GPHN: variants seen among roughly 807,000 people sequenced by gnomAD.
The protein encoded by GPHN is gephyrin.
In GPHN, 17 loss-of-function variants were observed where a neutral mutation model predicts 95.5. The ratio of observed to expected loss-of-function variants is 0.18; its 90% CI spans 0.12 to 0.27. The LOEUF (loss-of-function observed/expected upper bound fraction) is 0.27, where lower values mean the gene tolerates loss of function less well. GPHN is among the 10% of genes least tolerant of loss of function. GPHN has a pLI of 1.00. For missense variants in GPHN, 660 were observed against 978.1 expected (o/e 0.67, Z 4.34); for synonymous variants, 320 against 322.5 (o/e 0.99, Z 0.08).
At chr14:67,586,346 TTTTC>T in the GPHN span, 1 of 1,439,708 alleles carries the variant, frequency 6.9e-7, no homozygotes, top group Non-Finnish European at 9.3e-7. Context: ...GCTCTTCACT[TTTTC>T]TTTTTTATTC....
At chr14:67,704,912 G>A in the GPHN span, among the ~76,000 whole-genome samples, 10 of 152,314 alleles carry the variant, frequency 6.6e-5, no homozygotes, top group Admixed American at 3.9e-4. Flanking sequence ...GTAGCACTCA[G>A]CAGGGGCATC....
intron 17 of GPHN, among the ~76,000 whole-genome samples, chr14:67,125,674 G>A (rs2079263147): frequency 6.6e-6 from 1 of 152,126 alleles, no homozygotes; most frequent in Non-Finnish European, 1.5e-5. Flanking sequence ...CTACTTGGGA[G>A]GCTGAGGCAG....
chr14:67,613,313 AT>A, the GPHN span: 1 of 152,312 alleles, frequency 6.6e-6, no homozygotes, highest in Non-Finnish European at 1.5e-5. Flanking sequence ...AGGTGAGAGG[AT>A]TATCTGCGAC....
the GPHN span, chr14:67,616,530 G>A: frequency 6.6e-6 from 1 of 151,526 alleles, no homozygotes; most frequent in Non-Finnish European, 1.5e-5. Context: ...ATGCTTCTAA[G>A]TACATACAAT....
chr14:67,358,199 G>A, the GPHN span, among the ~76,000 whole-genome samples: 1 of 152,148 alleles, frequency 6.6e-6, no homozygotes, highest in African/African-American at 2.4e-5. Context: ...TTTTGACTGA[G>A]TCATCACGTC....
chr14:67,313,422 A>G, the GPHN span, among the ~76,000 whole-genome samples: 1 of 152,184 alleles, frequency 6.6e-6, no homozygotes, highest in Non-Finnish European at 1.5e-5. Flanking sequence ...GGTATAGCCT[A>G]TTCCTCCAAC....
chr14:67,628,858 T>C, the GPHN span, among the ~76,000 whole-genome samples: 1 of 152,318 alleles, frequency 6.6e-6, no homozygotes, highest in Admixed American at 6.5e-5. Flanking sequence ...CTATATGATT[T>C]AGCAATTCCA....
At chr14:67,699,487 G>A in the GPHN span, among the ~76,000 whole-genome samples, 1 of 151,330 alleles carries the variant, frequency 6.6e-6, no homozygotes, top group Non-Finnish European at 1.5e-5. Context: ...CTACTCCGGA[G>A]GTTCAGGTGG....
At chr14:66,986,677 C>T (rs571683901) in intron 9 of GPHN, among the ~76,000 whole-genome samples, 3 of 152,050 alleles carry the variant, frequency 2.0e-5, no homozygotes, top group Non-Finnish European at 4.4e-5. Flanking sequence ...TCTCATTTGC[C>T]CTAACAGCAA....
the GPHN span, among the ~76,000 whole-genome samples, chr14:67,306,130 C>T: frequency 2.0e-5 from 3 of 152,104 alleles, no homozygotes; most frequent in Non-Finnish European, 2.9e-5. Context: ...CCACCACATC[C>T]AGCTAATTTT....
At chr14:67,437,683 A>T in the GPHN span, among the ~76,000 whole-genome samples, 2 of 151,910 alleles carry the variant, frequency 1.3e-5, no homozygotes, top group African/African-American at 4.8e-5. Context: ...GGAGGAAATG[A>T]GATGTATTTG....
rs552821607 is a variant in GPHN, at chr14:67,074,636, T to G, written c.1145-14347T>G. Among the ~76,000 whole-genome samples, 103 of 152,234 alleles carry G rather than the reference T, an allele frequency of 6.8e-4. 1 individual carries two copies. The highest frequency in any genetic ancestry group is 1.5e-3 in the South Asian group (7 of 4,822). On this transcript the variant is annotated intron_variant, in intron 11 of 22. Coordinates refer to ENST00000478722, the MANE Select transcript of GPHN (RefSeq NM_020806.5). ...AAAAGCTGGAAATGATTAAGCTTAG[T>G]GAGGAAGGCATGTCAAAAGCCAAGA...
At chr14:67,497,661 T>C in the GPHN span, among the ~76,000 whole-genome samples, 14,334 of 152,238 alleles carry the variant, frequency 0.094, 714 homozygotes, top group Middle Eastern at 0.13. Context: ...TTTTAACACA[T>C]GCTGAGTTGT....
At chr14:67,073,908 T>C (rs1467490850) in intron 11 of GPHN, among the ~76,000 whole-genome samples, 2 of 152,214 alleles carry the variant, frequency 1.3e-5, no homozygotes, top group Non-Finnish European at 2.9e-5. Context: ...TTAATGAATG[T>C]ACTGGTTTTC....
At chr14:66,661,801 C>T (rs1279924233) in intron 1 of GPHN, among the ~76,000 whole-genome samples, 1 of 152,014 alleles carries the variant, frequency 6.6e-6, no homozygotes, top group Admixed American at 6.5e-5. Context: ...GCCATCGTTG[C>T]TGTTTGGGCA....
At chr14:67,049,988 C>T (rs2153641986) in intron 10 of GPHN, among the ~76,000 whole-genome samples, 1 of 152,280 alleles carries the variant, frequency 6.6e-6, no homozygotes, top group South Asian at 2.1e-4. Context: ...AATTACAATA[C>T]TCCTCCTTTG....
At chr14:67,578,263 G>A in the GPHN span, 1 of 1,431,790 alleles carries the variant, frequency 7.0e-7, no homozygotes, top group South Asian at 1.2e-5. The surrounding 1 kb of genome is among the most constrained non-coding windows in gnomAD (Gnocchi z 5.0). Context: ...GGTGGGAAAG[G>A]TGGGAGGAGG....
the GPHN span, among the ~76,000 whole-genome samples, chr14:67,664,892 T>C: frequency 3.3e-5 from 5 of 151,024 alleles, no homozygotes; most frequent in African/African-American, 1.2e-4. Flanking sequence ...TTTGAGACTG[T>C]GTCTCACTCT....
chr14:66,610,312 T>G (rs893936010), intron 1 of GPHN, among the ~76,000 whole-genome samples: 2 of 152,118 alleles, frequency 1.3e-5, no homozygotes, highest in African/African-American at 2.4e-5. Flanking sequence ...TCAGCAAGTT[T>G]AGAGCACCGC....
Sources: allele counts gnomAD v4.1 joint callset (sites outside exome capture counted in the v4.1 genomes callset), GRCh38; gene constraint gnomAD v4.1.1; non-coding constraint Gnocchi (gnomAD v3.1); transcripts MANE v1.5; gene names NCBI Gene and HGNC (gene_info 2026-07-23, HGNC 2026-07-21).